Variants in FLT3 observed in about 807,000 individuals in gnomAD.
FLT3 encodes receptor-type tyrosine-protein kinase FLT3.
Under a neutral mutation model 126.6 loss-of-function variants are expected in FLT3, and 46 were observed. That is an observed-to-expected ratio of 0.36 (90% CI 0.29 to 0.46). The LOEUF (loss-of-function observed/expected upper bound fraction) is 0.46, where lower values mean the gene tolerates loss of function less well. FLT3 is among the 20% of genes least tolerant of loss of function. The pLI is 1.00. For synonymous variants in FLT3, 404 were observed against 434.4 expected, an observed-to-expected ratio of 0.93 and a Z score of 0.87; for missense variants, 1,069 against 1,190.3, an observed-to-expected ratio of 0.90 and a Z score of 1.50.
rs991900387 is a variant in FLT3 at position 28,082,057 on chromosome 13, T to C, written c.44-11445A>G. ...TTTTAGTAAAGACAGGGTTTCGCCATGTTGCCCAGGTTGGTCTCGAATTCC... is the reference window on the plus strand; with the variant it reads ...TTTTAGTAAAGACAGGGTTTCGCCACGTTGCCCAGGTTGGTCTCGAATTCC... On this transcript the variant is annotated intron_variant, in intron 1 of 23. Transcript: ENST00000241453. Among the ~76,000 whole-genome samples, 5 of 151,976 alleles carry C rather than the reference T, an allele frequency of 3.3e-5. No individual in the cohort carries two copies. In the East Asian group the frequency reaches 7.7e-4, roughly 23 times the overall value.
rs765165741 is a variant in FLT3, at chr13:28,024,943, G to C, written c.2208C>G (p.Ser736Arg). Residue 736 changes from serine to arginine, a missense_variant and splice_region_variant, in exon 18 of 24, where the codon AGC (serine) becomes AGG (arginine). Ser to Arg is a moderately radical substitution (Grantham distance 110). Coordinates refer to ENST00000241453, the MANE Select transcript of FLT3 (RefSeq NM_004119.3). ...TCTGAACTTCTCTTGAACCAGGCAT[G>C]CTATTAAAAAATTTTGTTTTTTCAT... ...YPTFQSHPNS[S>R]MPGSREVQIH... 7.5e-6 allele frequency: 12 copies of C among 1,600,692 alleles called. 2 individuals are homozygous for C. The South Asian group carries it at 1.2e-4, about 17-fold the overall frequency.
In FLT3 at chr13:28,023,050, C is replaced by T. The variant is rs61946325; in HGVS notation, c.2418+300G>A. Among the ~76,000 whole-genome samples, 25,272 of 152,172 alleles carry T rather than the reference C, an allele frequency of 0.17. 2,286 individuals are homozygous for T. The highest frequency in any genetic ancestry group is 0.23 in the Admixed American group (3,534 of 15,270). ...GTTCTGAAAGGGACTGACAATGCTACGCTTTGTTTTGAGGAAGGATTTCTG... is the reference window on the plus strand; with the variant it reads ...GTTCTGAAAGGGACTGACAATGCTATGCTTTGTTTTGAGGAAGGATTTCTG... On this transcript the variant is annotated intron_variant, in intron 19 of 23. Transcript: ENST00000241453.
chr13:28,024,490 A>C (rs1039846981), intron 18 of FLT3, among the ~76,000 whole-genome samples: 1 of 152,210 alleles, frequency 6.6e-6, no homozygotes. Context: ...TTTTATAAAC[A>C]AGAAAATTGT....
At chr13:28,091,849 C>G (rs530322867) in intron 1 of FLT3, among the ~76,000 whole-genome samples, 1 of 152,068 alleles carries the variant, frequency 6.6e-6, no homozygotes, top group Non-Finnish European at 1.5e-5. Context: ...GCAGGTGGAT[C>G]GCTTGACGTC....
intron 23 of FLT3, among the ~76,000 whole-genome samples, chr13:28,008,095 A>C (rs1871067721): frequency 6.6e-6 from 1 of 152,180 alleles, no homozygotes; most frequent in East Asian, 1.9e-4. Flanking sequence ...CAGTAATCCC[A>C]GCACTTTGGG....
intron 15 of FLT3, among the ~76,000 whole-genome samples, chr13:28,032,361 G>A (rs541800094): frequency 2.6e-5 from 4 of 152,362 alleles, no homozygotes; most frequent in East Asian, 1.9e-4. Flanking sequence ...GAGCGAAAAC[G>A]CAAGGCGGTC....
intron 12 of FLT3, among the ~76,000 whole-genome samples, chr13:28,034,944 CAA>C (rs34049926): frequency 2.7e-5 from 4 of 149,152 alleles, no homozygotes; most frequent in African/African-American, 9.9e-5. Context: ...GTCTCCATCT[CAA>C]AAAAAAAAAT....
rs1260771099 is a variant in FLT3, at chr13:28,037,146, T to C, written c.1309+39A>G. 5 of 1,218,526 alleles carry C rather than the reference T, an allele frequency of 4.1e-6. No homozygotes were observed. In the African/African-American group the frequency reaches 4.5e-5, roughly 11 times the overall value. 75.5% of individuals were successfully genotyped at this position (1,218,526 alleles called of 1,614,324 possible). On this transcript the variant is annotated intron_variant, in intron 10 of 23. Transcript: ENST00000241453. ...TTAAGACTAATAAAAAATTAAGGAA[T>C]TAAAAAATAAAAATCAAATTCTCGG... is the stretch of plus-strand genomic sequence containing the variant.
rs1318222892 is a variant in FLT3 at position 28,047,381 on chromosome 13, GT to G, written c.1205+893del. Among the ~76,000 whole-genome samples, 10 of 152,214 alleles carry G rather than the reference GT, an allele frequency of 6.6e-5. No homozygotes were observed. In the East Asian group the frequency reaches 1.9e-3, roughly 29 times the overall value. ...AAGATATAGGGGAAAGTTGTTTTTT[GT>G]TTTCCAAAGAAGGAATGGAGAATTC... is the stretch of plus-strand genomic sequence containing the variant. On this transcript the variant is annotated intron_variant, in intron 9 of 23. Transcript: ENST00000241453.
intron 5 of FLT3, among the ~76,000 whole-genome samples, chr13:28,051,046 G>A (rs370942250): frequency 6.6e-6 from 1 of 152,088 alleles, no homozygotes; most frequent in African/African-American, 2.4e-5. Flanking sequence ...GTTGTCATCC[G>A]CATTCTTCTG....
chr13:28,040,227 G>T (rs138348038), intron 9 of FLT3, among the ~76,000 whole-genome samples: 1 of 152,316 alleles, frequency 6.6e-6, no homozygotes, highest in South Asian at 2.1e-4. Flanking sequence ...AGCAGTTGGA[G>T]TGTGGGAAGT....
rs1459378751 is a variant in FLT3 at position 28,015,713 on chromosome 13, C to T, written c.2542-12G>A. The T allele has an allele frequency of 1.3e-6, 2 of 1,542,386 alleles. No individual in the cohort carries two copies. ...ACAGGCAGACGGGCCTGTGGAAAAC[C>T]CAGAGGAGATAAGATGGTGAATTTT... On this transcript the variant is annotated splice_polypyrimidine_tract_variant and intron_variant, in intron 20 of 23. Coordinates refer to ENST00000241453, the MANE Select transcript of FLT3 (RefSeq NM_004119.3).
chr13:28,054,954 A>G (rs1875879094), intron 4 of FLT3, among the ~76,000 whole-genome samples: 1 of 151,942 alleles, frequency 6.6e-6, no homozygotes, highest in Non-Finnish European at 1.5e-5. Context: ...CGTTTTTCTT[A>G]TTGACTTATT....
Position 28,049,776 on chromosome 13 carries a change from TAGG to T in FLT3, c.743-5_743-3del. On this transcript the variant is annotated splice_region_variant and splice_polypyrimidine_tract_variant and intron_variant, in intron 6 of 23. Transcript: ENST00000241453. Reference sequence around the variant, plus strand: ...TGGTCTGAGGAGTTTGATTTAGATCTAGGAGATGAAAACATCCCAAGTGAGAAA... The same window carrying T: ...TGGTCTGAGGAGTTTGATTTAGATCTAGATGAAAACATCCCAAGTGAGAAA... 1 of 1,611,028 alleles carries T rather than the reference TAGG, an allele frequency of 6.2e-7. No homozygotes were observed. Among genetic ancestry groups the T allele is most frequent in the Non-Finnish European group, 8.5e-7 (1 of 1,179,010 alleles).
At chr13:28,063,703 A>ATGGTG (rs1876769871) in intron 2 of FLT3, among the ~76,000 whole-genome samples, 1 of 72,436 alleles carries the variant, frequency 1.4e-5, no homozygotes, top group Non-Finnish European at 3.1e-5. Flanking sequence ...TTACTATGAT[A>ATGGTG]AGTGCAAGAC....
At chr13:28,007,809 T>C (rs1441761313) in intron 23 of FLT3, among the ~76,000 whole-genome samples, 1 of 152,202 alleles carries the variant, frequency 6.6e-6, no homozygotes, top group East Asian at 1.9e-4. Flanking sequence ...TTGTGGCTAA[T>C]ACATTAGTAA....
At chr13:28,073,384 C>A in intron 1 of FLT3, 1 of 425,990 alleles carries the variant, frequency 2.3e-6, no homozygotes, top group Non-Finnish European at 4.6e-6. Flanking sequence ...TTTTTACTGT[C>A]ACTTGAGTGG....
chr13:28,040,603 A>G (rs9551427), intron 9 of FLT3, among the ~76,000 whole-genome samples: 100,628 of 151,900 alleles, frequency 0.66, 34,339 homozygotes, highest in East Asian at 0.85. Flanking sequence ...TGTGACACCA[A>G]TGTTCTGTGC....
intron 9 of FLT3, among the ~76,000 whole-genome samples, chr13:28,042,166 A>ATAG (rs1874443104): frequency 1.5e-5 from 2 of 137,692 alleles, no homozygotes; most frequent in Non-Finnish European, 3.1e-5. Flanking sequence ...AATAATAATA[A>ATAG]TAATAATAAT....
Sources: gnomAD v4.1 joint callset for allele counts (sites outside exome capture counted in the v4.1 genomes callset) on GRCh38, gnomAD v4.1.1 for gene constraint, MANE v1.5 for transcripts, NCBI Gene and HGNC (gene_info 2026-07-23, HGNC 2026-07-21) for gene names.